LRRTM4: variants seen among roughly 807,000 people sequenced by gnomAD.
The protein encoded by LRRTM4 is leucine-rich repeat transmembrane neuronal protein 4.
Under a neutral mutation model 47.6 loss-of-function variants are expected in LRRTM4, and 25 were observed. The ratio of observed to expected loss-of-function variants is 0.53; its 90% confidence interval spans 0.38 to 0.73. The LOEUF is 0.73. Ranked by LOEUF, LRRTM4 falls within the 30% of genes least tolerant of loss-of-function variation. The pLI, the probability that LRRTM4 is intolerant of heterozygous loss-of-function variation, is 0.00. For synonymous variants in LRRTM4, 311 were observed against 269.5 expected (o/e 1.15, Z -1.51); for missense variants, 638 against 713.4 (o/e 0.89, Z 1.20).
intron 3 of LRRTM4, among the ~76,000 whole-genome samples, chr2:76,893,877 G>T (rs1481076696): frequency 1.3e-5 from 2 of 151,880 alleles, no homozygotes; most frequent in East Asian, 3.9e-4. Context: ...CATTTTATTT[G>T]TACATGTCTC....
At chr2:77,409,876 C>T (rs1674352844) in intron 3 of LRRTM4, among the ~76,000 whole-genome samples, 1 of 152,092 alleles carries the variant, frequency 6.6e-6, no homozygotes. Context: ...GGCAGTTCTG[C>T]CCCCTTCTTG....
At chr2:76,832,830 G>A (rs1321629415) in intron 3 of LRRTM4, among the ~76,000 whole-genome samples, 2 of 152,140 alleles carry the variant, frequency 1.3e-5, no homozygotes, top group Non-Finnish European at 1.5e-5. Flanking sequence ...AGGGTGCAAG[G>A]TTTGCAGAGG....
intron 3 of LRRTM4, among the ~76,000 whole-genome samples, chr2:77,486,348 T>G (rs1313835707): frequency 6.6e-6 from 1 of 152,218 alleles, no homozygotes; most frequent in Admixed American, 6.5e-5. Context: ...GTTGGTAAAT[T>G]GCCTTCCATT....
At chr2:77,496,335 T>C (rs1234872453) in intron 3 of LRRTM4, among the ~76,000 whole-genome samples, 1 of 151,904 alleles carries the variant, frequency 6.6e-6, no homozygotes, top group Non-Finnish European at 1.5e-5. Context: ...TCTTGAATTA[T>C]TGCACTTGCT....
chr2:76,927,887 C>T (rs998398872), intron 3 of LRRTM4, among the ~76,000 whole-genome samples: 12 of 152,224 alleles, frequency 7.9e-5, no homozygotes, highest in Non-Finnish European at 1.2e-4. Flanking sequence ...AAATCAAGCC[C>T]TTTTCTGACT....
chr2:77,287,434 T>A (rs13394937), intron 3 of LRRTM4, among the ~76,000 whole-genome samples: 20,471 of 151,824 alleles, frequency 0.13, 2,952 homozygotes, highest in African/African-American at 0.36. Context: ...TATTAGATAT[T>A]CAAAATCTTA....
chr2:77,287,404 A>T (rs1320927313), intron 3 of LRRTM4, among the ~76,000 whole-genome samples: 1 of 151,676 alleles, frequency 6.6e-6, no homozygotes, highest in Non-Finnish European at 1.5e-5. Flanking sequence ...AATATATATT[A>T]TATATCTATC....
At chr2:76,994,777 A>G (rs1169206519) in intron 3 of LRRTM4, among the ~76,000 whole-genome samples, 3 of 152,038 alleles carry the variant, frequency 2.0e-5, no homozygotes, top group Non-Finnish European at 4.4e-5. Context: ...CCAGCAAATA[A>G]TTACATAAAA....
chr2:77,078,502 C>T (rs1275050194), intron 3 of LRRTM4, among the ~76,000 whole-genome samples: 2 of 151,976 alleles, frequency 1.3e-5, no homozygotes, highest in Non-Finnish European at 2.9e-5. Flanking sequence ...TGAACTTGTT[C>T]TTCATTATAA....
At chr2:76,998,977 C>A (rs1008507765) in intron 3 of LRRTM4, among the ~76,000 whole-genome samples, 2 of 145,934 alleles carry the variant, frequency 1.4e-5, no homozygotes, top group African/African-American at 5.0e-5. Context: ...ACATGTGTTT[C>A]TTTCTATTTC....
At chr2:77,311,245 C>T (rs771064195) in intron 3 of LRRTM4, among the ~76,000 whole-genome samples, 13 of 152,078 alleles carry the variant, frequency 8.5e-5, no homozygotes, top group Non-Finnish European at 1.6e-4. Context: ...GGAAATCTAC[C>T]TCATTTGAGG....
chr2:77,227,837 G>T (rs1206292348), intron 3 of LRRTM4, among the ~76,000 whole-genome samples: 1 of 151,942 alleles, frequency 6.6e-6, no homozygotes, highest in Non-Finnish European at 1.5e-5. Flanking sequence ...ATAGTTTCTA[G>T]TCATTAAAAT....
At chr2:77,471,412 C>T (rs543908892) in intron 3 of LRRTM4, among the ~76,000 whole-genome samples, 1 of 152,230 alleles carries the variant, frequency 6.6e-6, no homozygotes, top group South Asian at 2.1e-4. Context: ...AAATGTACAC[C>T]TTAATCCTTA....
intron 3 of LRRTM4, among the ~76,000 whole-genome samples, chr2:77,055,591 A>G (rs187282672): frequency 2.3e-3 from 353 of 152,276 alleles, no homozygotes; most frequent in Non-Finnish European, 3.2e-3. Flanking sequence ...CACTGTTGGT[A>G]GGACTGTAAA....
At chr2:76,918,554 A>G (rs1674329670) in intron 3 of LRRTM4, among the ~76,000 whole-genome samples, 1 of 152,196 alleles carries the variant, frequency 6.6e-6, no homozygotes, top group Admixed American at 6.5e-5. Flanking sequence ...GTCCCCATGC[A>G]AAAATGTTTT....
intron 3 of LRRTM4, among the ~76,000 whole-genome samples, chr2:77,466,037 A>G (rs949630411): frequency 1.3e-5 from 2 of 152,174 alleles, no homozygotes; most frequent in African/African-American, 4.8e-5. Flanking sequence ...TCTGGCCCTA[A>G]GCAGCCGTGA....
At chr2:77,351,187 C>G (rs574930466) in intron 3 of LRRTM4, among the ~76,000 whole-genome samples, 35 of 151,904 alleles carry the variant, frequency 2.3e-4, no homozygotes, top group Admixed American at 1.2e-3. Flanking sequence ...TTTTCCATTT[C>G]TGCATTTGTT....
At position 77,364,791 on chromosome 2, in the gene LRRTM4, G is replaced by A. The variant is rs368601814; in HGVS notation, c.1551+153527C>T. On this transcript the variant is annotated intron_variant, in intron 3 of 3. Transcript: ENST00000409884. The stretch of plus-strand genomic sequence containing the variant: ...GATCATAGAATCACAATCATAAGCC[G>A]AACCCTCTCTATTATTTTTGTTATT... Among the ~76,000 whole-genome samples the A allele has an allele frequency of 5.3e-5, 8 of 152,032 alleles. No individual in the cohort carries two copies. The South Asian group carries it at 6.2e-4, about 12-fold the overall frequency.
At chr2:77,356,553 C>T (rs530200344) in intron 3 of LRRTM4, among the ~76,000 whole-genome samples, 19 of 152,176 alleles carry the variant, frequency 1.2e-4, no homozygotes, top group African/African-American at 3.6e-4. Flanking sequence ...TGGTTAAAAT[C>T]GAGTACAGGA....
Sources: gnomAD v4.1 joint callset for allele counts (sites outside exome capture counted in the v4.1 genomes callset) on GRCh38, gnomAD v4.1.1 for gene constraint, MANE v1.5 for transcripts, NCBI Gene and HGNC (gene_info 2026-07-23, HGNC 2026-07-21) for gene names.